CTNNA3: variants seen among roughly 807,000 people sequenced by gnomAD.
The protein encoded by CTNNA3 is catenin alpha 3, also known as catenin alpha-3.
Under a neutral mutation model 95.7 loss-of-function variants are expected in CTNNA3, and 76 were observed. The ratio of observed to expected loss-of-function variants is 0.79; its 90% CI spans 0.66 to 0.96. CTNNA3 has a LOEUF of 0.96. Among genes scored for constraint, CTNNA3 ranks in the 40% least tolerant of loss-of-function variants. The probability of loss-of-function intolerance (pLI) is 0.00; values close to 1 mark genes in which losing one functional copy is unlikely to be tolerated. For missense variants in CTNNA3, 1,191 were observed against 1,089.8 expected, an observed-to-expected ratio of 1.09 and a Z score of -1.31; for synonymous variants, 431 against 374.4, an observed-to-expected ratio of 1.15 and a Z score of -1.74.
chr10:66,369,230 C>T (rs1429001684), intron 12 of CTNNA3, among the ~76,000 whole-genome samples: 1 of 152,070 alleles, frequency 6.6e-6, no homozygotes, highest in African/African-American at 2.4e-5. Flanking sequence ...TTACCATGAG[C>T]TAGAAATTTT....
At chr10:66,238,227 C>T (rs554954356) in intron 13 of CTNNA3, among the ~76,000 whole-genome samples, 15 of 151,878 alleles carry the variant, frequency 9.9e-5, no homozygotes, top group Admixed American at 6.6e-4. Context: ...CTTACTGAGG[C>T]GGGGAGAGGG....
chr10:67,587,978 C>T (rs556426012), intron 3 of CTNNA3, among the ~76,000 whole-genome samples: 209 of 152,022 alleles, frequency 1.4e-3, no homozygotes, highest in Non-Finnish European at 2.4e-3. Flanking sequence ...CTTTTTTCTA[C>T]GTAGTCTAGT....
chr10:67,568,515 A>G (rs1173807246), intron 3 of CTNNA3, among the ~76,000 whole-genome samples: 1 of 151,766 alleles, frequency 6.6e-6, no homozygotes, highest in East Asian at 1.9e-4. Context: ...TTGCACGCAC[A>G]CACACACATA....
intron 2 of CTNNA3, among the ~76,000 whole-genome samples, chr10:67,641,213 T>A (rs1255091203): frequency 6.6e-6 from 1 of 152,030 alleles, no homozygotes; most frequent in African/African-American, 2.4e-5. Flanking sequence ...AACAGACACT[T>A]CTCAAAAGAA....
intron 13 of CTNNA3, among the ~76,000 whole-genome samples, chr10:66,266,084 A>AG (rs1004907111): frequency 6.7e-6 from 1 of 148,168 alleles, no homozygotes; most frequent in Non-Finnish European, 1.5e-5. Flanking sequence ...AGAGAGAGGA[A>AG]GGGGGGGAGA....
chr10:66,132,042 T>C (rs2083128677), intron 13 of CTNNA3, among the ~76,000 whole-genome samples: 1 of 152,038 alleles, frequency 6.6e-6, no homozygotes, highest in Admixed American at 6.5e-5. Context: ...AAAGCAAAAA[T>C]TGACAAATAA....
At chr10:66,403,113 C>T (rs1392981829) in intron 11 of CTNNA3, among the ~76,000 whole-genome samples, 1 of 152,110 alleles carries the variant, frequency 6.6e-6, no homozygotes, top group Admixed American at 6.6e-5. Context: ...AATGTGTAAC[C>T]TCCATGTATT....
intron 13 of CTNNA3, among the ~76,000 whole-genome samples, chr10:66,216,042 A>G (rs1252319476): frequency 6.6e-6 from 1 of 152,350 alleles, no homozygotes; most frequent in East Asian, 1.9e-4. Context: ...ATGCAAATCC[A>G]TCTTGGATGC....
intron 7 of CTNNA3, among the ~76,000 whole-genome samples, chr10:67,171,696 G>A (rs1165278659): frequency 6.6e-6 from 1 of 152,078 alleles, no homozygotes; most frequent in African/African-American, 2.4e-5. Context: ...AAGCTGCAGT[G>A]AGCTGTGATC....
At position 65,912,803 on chromosome 10, in the gene CTNNA3, T is replaced by G. The variant is rs2076959976; in HGVS notation, c.*7527A>C. The G allele has an allele frequency of 6.6e-6, 1 of 152,142 alleles. No individual in the cohort carries two copies. The highest frequency in any genetic ancestry group is 2.4e-5 in the African/African-American group (1 of 41,428). The allele number at this position is 152,142 out of a possible 1,614,324, so 9.4% of individuals were successfully genotyped here. ...TGTCATAGGAAAGAGCTTTTTCTAT[T>G]TCTGGATAAATATTTCATTTTTATT... On this transcript the variant is annotated 3_prime_UTR_variant, in exon 18 of 18. Transcript: ENST00000433211.
chr10:66,647,678 A>AT (rs58907458), intron 9 of CTNNA3, among the ~76,000 whole-genome samples: 87,351 of 142,212 alleles, frequency 0.61, 26,990 homozygotes, highest in East Asian at 0.94. Flanking sequence ...GCCCAGCTAA[A>AT]TTTTTTTTTT....
At chr10:66,606,781 A>G (rs1844138488) in intron 10 of CTNNA3, among the ~76,000 whole-genome samples, 1 of 152,180 alleles carries the variant, frequency 6.6e-6, no homozygotes, top group African/African-American at 2.4e-5. Context: ...GACAGTATTA[A>G]GAGGACAATT....
chr10:66,801,688 C>A (rs60703137), intron 7 of CTNNA3, among the ~76,000 whole-genome samples: 35,575 of 151,342 alleles, frequency 0.24, 4,681 homozygotes, highest in African/African-American at 0.36. Context: ...GCCAAGATTA[C>A]TCAATGGATT....
At chr10:66,195,688 G>A (rs2086919331) in intron 13 of CTNNA3, among the ~76,000 whole-genome samples, 1 of 152,140 alleles carries the variant, frequency 6.6e-6, no homozygotes, top group Admixed American at 6.6e-5. Context: ...GCTGTCAACA[G>A]GAGTAAGTCT....
chr10:66,322,769 CT>C (rs1589084630), intron 12 of CTNNA3, among the ~76,000 whole-genome samples: 1 of 151,990 alleles, frequency 6.6e-6, no homozygotes, highest in East Asian at 1.9e-4. Context: ...GGAAAAGAGA[CT>C]TTTGACAAAA....
intron 15 of CTNNA3, among the ~76,000 whole-genome samples, chr10:66,031,241 G>T (rs1589269895): frequency 6.6e-6 from 1 of 152,058 alleles, no homozygotes; most frequent in Non-Finnish European, 1.5e-5. Context: ...CTACCAAAAA[G>T]ACATGTGCAC....
At chr10:67,303,882 C>T (rs892663731) in intron 5 of CTNNA3, among the ~76,000 whole-genome samples, 2 of 152,190 alleles carry the variant, frequency 1.3e-5, no homozygotes, top group South Asian at 4.1e-4. Flanking sequence ...GAACCCTTCC[C>T]TCTTCTGAAT....
chr10:65,981,781 A>G (rs1194740683), intron 16 of CTNNA3, among the ~76,000 whole-genome samples: 1 of 151,998 alleles, frequency 6.6e-6, no homozygotes, highest in Non-Finnish European at 1.5e-5. Flanking sequence ...TGCTGGGATA[A>G]TTGGCTAGCC....
rs1344625970 is a variant in CTNNA3 at position 66,956,560 on chromosome 10, G to A, written c.1048-181036C>T. Among the ~76,000 whole-genome samples the A allele has an allele frequency of 2.0e-5, 3 of 152,130 alleles. No individual in the cohort carries two copies. The East Asian group carries it at 5.8e-4, about 29-fold the overall frequency. ...CAAGCTTTGCAGGCAGCTAGTAAGA[G>A]TTGTCAGTTCCCTCCAGTGAAATGT... On this transcript the variant is annotated intron_variant, in intron 7 of 17. Coordinates refer to ENST00000433211, the MANE Select transcript of CTNNA3 (RefSeq NM_013266.4).
Sources: gnomAD v4.1 joint callset for allele counts (sites outside exome capture counted in the v4.1 genomes callset) on GRCh38, gnomAD v4.1.1 for gene constraint, MANE v1.5 for transcripts, NCBI Gene and HGNC (gene_info 2026-07-23, HGNC 2026-07-21) for gene names.